The following TMEM117 variants were observed in gnomAD, a reference collection of about 807,000 sequenced individuals.
The protein encoded by TMEM117 is transmembrane protein 117.
TMEM117 carries 27 observed loss-of-function variants against 52.4 expected under a neutral mutation model. The ratio of observed to expected loss-of-function variants is 0.51; its 90% CI spans 0.38 to 0.71. The LOEUF is 0.71. TMEM117 is among the 30% of genes least tolerant of loss of function. The pLI, the probability that TMEM117 is intolerant of heterozygous loss-of-function variation, is 0.00. For missense variants in TMEM117, 556 were observed against 630.5 expected, an observed-to-expected ratio of 0.88 and a Z score of 1.26; for synonymous variants, 215 against 206.3, an observed-to-expected ratio of 1.04 and a Z score of -0.36.
intron 3 of TMEM117, among the ~76,000 whole-genome samples, chr12:44,025,256 A>G (rs1395760381): frequency 6.6e-6 from 1 of 152,228 alleles, no homozygotes; most frequent in Non-Finnish European, 1.5e-5. Flanking sequence ...TTGAACAGAT[A>G]CGGTTCAGGG....
upstream of TMEM117, among the ~76,000 whole-genome samples, chr12:43,832,214 C>A (rs1331935616): frequency 6.6e-6 from 1 of 152,210 alleles, no homozygotes; most frequent in African/African-American, 2.4e-5. Context: ...AGTAAGCAAT[C>A]ACCACCTGGC....
At chr12:43,866,770 CTG>C (rs1365316812) in intron 2 of TMEM117, among the ~76,000 whole-genome samples, 3 of 152,180 alleles carry the variant, frequency 2.0e-5, no homozygotes, top group East Asian at 1.9e-4. Context: ...ATTAGAAAGA[CTG>C]TTTTTTCCTT....
At chr12:44,398,982 T>C in the TMEM117 span, among the ~76,000 whole-genome samples, 25 of 152,350 alleles carry the variant, frequency 1.6e-4, no homozygotes, top group African/African-American at 6.0e-4. Context: ...TTTGTGAGGA[T>C]GGATATGTTA....
chr12:44,241,589 T>C (rs112437854), intron 5 of TMEM117, among the ~76,000 whole-genome samples: 5 of 152,056 alleles, frequency 3.3e-5, no homozygotes, highest in African/African-American at 1.2e-4. Context: ...TACTCCAAGA[T>C]TATGAAAAAC....
intron 4 of TMEM117, among the ~76,000 whole-genome samples, chr12:44,174,342 G>A (rs1949089642): frequency 6.6e-6 from 1 of 152,100 alleles, no homozygotes; most frequent in African/African-American, 2.4e-5. Context: ...GGATAAAATA[G>A]CCAGTTTAGA....
chr12:44,211,175 T>C, intron 4 of TMEM117, 115 bp from the exon 5 acceptor site: 1 of 732,044 alleles, frequency 1.4e-6, no homozygotes, highest in South Asian at 1.7e-5. Context: ...GCATATGTTA[T>C]AATGTTAAAA....
the TMEM117 span, chr12:43,800,382 C>T: frequency 1.2e-5 from 16 of 1,351,720 alleles, no homozygotes; most frequent in Non-Finnish European, 1.6e-5. Flanking sequence ...CCTAGGAGTT[C>T]CTCTTTAATC....
chr12:44,052,039 T>A (rs546428054), intron 3 of TMEM117, among the ~76,000 whole-genome samples: 1 of 152,354 alleles, frequency 6.6e-6, no homozygotes, highest in East Asian at 1.9e-4. Flanking sequence ...TTTAGTTTTC[T>A]TATCAAATAC....
At chr12:43,883,344 A>G (rs576573867) in intron 2 of TMEM117, among the ~76,000 whole-genome samples, 1 of 152,232 alleles carries the variant, frequency 6.6e-6, no homozygotes, top group Non-Finnish European at 1.5e-5. Context: ...ATTATAGTAC[A>G]TATGATTATT....
intron 5 of TMEM117, among the ~76,000 whole-genome samples, chr12:44,262,795 G>A (rs999325649): frequency 6.6e-6 from 1 of 152,140 alleles, no homozygotes; most frequent in African/African-American, 2.4e-5. Flanking sequence ...CACCATGTTA[G>A]CCAAGATGGT....
chr12:44,173,014 C>T (rs1024599935), intron 4 of TMEM117, among the ~76,000 whole-genome samples: 6 of 152,206 alleles, frequency 3.9e-5, no homozygotes, highest in South Asian at 2.1e-4. Flanking sequence ...CGTGGGCCAC[C>T]GCGCCCGGCC....
At chr12:44,393,330 C>T (rs558906803), downstream of TMEM117, among the ~76,000 whole-genome samples, 50 of 152,216 alleles carry the variant, frequency 3.3e-4, 2 homozygotes, top group South Asian at 0.01. Flanking sequence ...TTTATAGATA[C>T]TCCTTGCTCT....
At chr12:43,955,383 T>C (rs1945290852) in intron 3 of TMEM117, among the ~76,000 whole-genome samples, 1 of 152,156 alleles carries the variant, frequency 6.6e-6, no homozygotes, top group African/African-American at 2.4e-5. Context: ...TTATCCTATA[T>C]GTAGAAACCC....
chr12:43,919,049 T>G (rs1378690116), intron 2 of TMEM117, among the ~76,000 whole-genome samples: 3 of 152,200 alleles, frequency 2.0e-5, no homozygotes, highest in Non-Finnish European at 2.9e-5. Context: ...TTCAAAAACT[T>G]CGGTGTTGTA....
At chr12:43,978,856 C>T (rs1175780414) in intron 3 of TMEM117, among the ~76,000 whole-genome samples, 1 of 151,782 alleles carries the variant, frequency 6.6e-6, no homozygotes, top group Non-Finnish European at 1.5e-5. Flanking sequence ...GAGCAAAAAT[C>T]TCATTCTAGG....
At chr12:44,271,462 A>G (rs114498986) in intron 5 of TMEM117, among the ~76,000 whole-genome samples, 1,617 of 152,180 alleles carry the variant, frequency 0.011, 10 homozygotes, top group African/African-American at 0.018. Flanking sequence ...TTTACGGTCA[A>G]TCAATTTTTG....
At chr12:44,069,024 G>A (rs998248269) in intron 3 of TMEM117, among the ~76,000 whole-genome samples, 3 of 152,150 alleles carry the variant, frequency 2.0e-5, no homozygotes, top group African/African-American at 7.2e-5. Context: ...AGAGCTTAGA[G>A]TAAATACAAA....
chr12:44,211,820 A>C (rs1051477170), intron 5 of TMEM117, among the ~76,000 whole-genome samples: 1 of 152,196 alleles, frequency 6.6e-6, no homozygotes, highest in Non-Finnish European at 1.5e-5. Context: ...TTCTTTATGT[A>C]GTTTCGTTTA....
chr12:43,989,413 A>G (rs1945901041), intron 3 of TMEM117, among the ~76,000 whole-genome samples: 1 of 152,106 alleles, frequency 6.6e-6, no homozygotes, highest in South Asian at 2.1e-4. Flanking sequence ...GGTTTCATAA[A>G]TATAAGACCT....
Sources: allele counts gnomAD v4.1 joint callset (sites outside exome capture counted in the v4.1 genomes callset), GRCh38; gene constraint gnomAD v4.1.1; transcripts MANE v1.5; gene names NCBI Gene and HGNC (gene_info 2026-07-23, HGNC 2026-07-21).